Variants in TBC1D21 observed in about 807,000 individuals in gnomAD.
TBC1D21 encodes male germ cell Rab GTPase-activating protein.
In TBC1D21, 38 loss-of-function variants were observed where a neutral mutation model predicts 46.0. The ratio of observed to expected loss-of-function variants is 0.83; its 90% CI spans 0.64 to 1.08. The LOEUF is 1.08. Among genes scored for constraint, TBC1D21 ranks in the 50% least tolerant of loss-of-function variants. The pLI is 0.00. For synonymous variants in TBC1D21, 151 were observed against 157.2 expected, an observed-to-expected ratio of 0.96 and a Z score of 0.29; for missense variants, 415 against 417.9, an observed-to-expected ratio of 0.99 and a Z score of 0.06.
chr15:73,885,806 A>G (rs1416308598), intron 6 of TBC1D21, among the ~76,000 whole-genome samples: 1 of 106,690 alleles, frequency 9.4e-6, no homozygotes, highest in African/African-American at 3.2e-5. Flanking sequence ...AATCTCTACT[A>G]CACACACATA....
chr15:73,908,790 T>C, the TBC1D21 span, among the ~76,000 whole-genome samples: 620 of 152,298 alleles, frequency 4.1e-3, 9 homozygotes, highest in African/African-American at 0.014. Context: ...CCCAGAAAGT[T>C]CCTCAGGCTC....
At chr15:73,885,501 C>T (rs747673550) in intron 6 of TBC1D21, among the ~76,000 whole-genome samples, 3 of 152,148 alleles carry the variant, frequency 2.0e-5, no homozygotes, top group Non-Finnish European at 4.4e-5. Flanking sequence ...GGGCTGTTCC[C>T]TTCACATAAC....
chr15:73,891,224 A>G (rs754609982), downstream of TBC1D21, among the ~76,000 whole-genome samples: 1 of 152,228 alleles, frequency 6.6e-6, no homozygotes, highest in Non-Finnish European at 1.5e-5. Flanking sequence ...TCATTTATAC[A>G]GCCCAGTGTT....
At chr15:73,885,144 C>T (rs751474195) in intron 6 of TBC1D21, 41 bp downstream of exon 6, 1 of 1,546,016 alleles carries the variant, frequency 6.5e-7, no homozygotes, top group Non-Finnish European at 8.9e-7. Context: ...CCTCCCCAAC[C>T]CCCCACTACT....
downstream of TBC1D21, among the ~76,000 whole-genome samples, chr15:73,890,998 C>G (rs978787708): frequency 6.6e-6 from 1 of 152,108 alleles, no homozygotes; most frequent in African/African-American, 2.4e-5. Context: ...AATCTTGACA[C>G]CAAATTGATC....
chr15:73,897,866 C>T, the TBC1D21 span, among the ~76,000 whole-genome samples: 4 of 152,222 alleles, frequency 2.6e-5, no homozygotes, highest in Admixed American at 1.3e-4. Flanking sequence ...CGGGTTTCCC[C>T]GGAAGCATTT....
rs200427604 is a variant in TBC1D21 at position 73,886,498 on chromosome 15, T to C, written c.677-14T>C. On this transcript the variant is annotated splice_polypyrimidine_tract_variant and intron_variant, in intron 7 of 10. Coordinates refer to ENST00000300504, the MANE Select transcript of TBC1D21 (RefSeq NM_153356.3). ...GTTTTCCCCTGACCACAGCCTCACC[T>C]TCTCTCCCCACAGAAGGGAAGGGTG... The C allele has an allele frequency of 5.0e-6, 8 of 1,612,740 alleles. No individual in the cohort carries two copies. The Admixed American group carries it at 1.2e-4, about 24-fold the overall frequency.
chr15:73,889,012 C>T (rs149422430), intron 10 of TBC1D21, 57 bp from the exon 11 acceptor site: 67 of 1,602,894 alleles, frequency 4.2e-5, no homozygotes, highest in South Asian at 5.6e-5. Context: ...TTAGAAGAAC[C>T]GAAGAATGAA....
the TBC1D21 span, among the ~76,000 whole-genome samples, chr15:73,902,686 G>A: frequency 2.0e-5 from 3 of 152,128 alleles, no homozygotes; most frequent in South Asian, 4.1e-4. Flanking sequence ...TTTCCCATCC[G>A]CTCCATGCTT....
the TBC1D21 span, among the ~76,000 whole-genome samples, chr15:73,898,314 T>A: frequency 6.6e-6 from 1 of 152,214 alleles, no homozygotes; most frequent in Non-Finnish European, 1.5e-5. Context: ...CGGTCAGGGC[T>A]GTGTGGGGCT....
the TBC1D21 span, among the ~76,000 whole-genome samples, chr15:73,898,902 T>TATATATAC: frequency 2.2e-3 from 244 of 112,780 alleles, 2 homozygotes; most frequent in Admixed American, 0.012. Flanking sequence ...TATATATATA[T>TATATATAC]ACACACACAC....
chr15:73,888,673 T>A (rs2068303094), intron 10 of TBC1D21, among the ~76,000 whole-genome samples, 160 bp downstream of exon 10: 1 of 149,236 alleles, frequency 6.7e-6, no homozygotes, highest in Non-Finnish European at 1.5e-5. Flanking sequence ...CTCCTCCTCT[T>A]CCTCCTCCTC....
At chr15:73,894,523 C>T in the TBC1D21 span, among the ~76,000 whole-genome samples, 1 of 152,198 alleles carries the variant, frequency 6.6e-6, no homozygotes, top group East Asian at 1.9e-4. Context: ...ATTCCTTCTC[C>T]AGGATGGGGA....
At chr15:73,899,247 G>A in the TBC1D21 span, among the ~76,000 whole-genome samples, 1 of 151,994 alleles carries the variant, frequency 6.6e-6, no homozygotes, top group African/African-American at 2.4e-5. Context: ...CTGGGAAGCG[G>A]GTGAGCCTTG....
chr15:73,887,532 AG>A, intron 8 of TBC1D21, 87 bp from the exon 9 acceptor site: 2 of 1,103,584 alleles, frequency 1.8e-6, no homozygotes, highest in Non-Finnish European at 2.8e-6. Flanking sequence ...GGCTGACTCC[AG>A]GCACGTGGTT....
intron 3 of TBC1D21, among the ~76,000 whole-genome samples, chr15:73,883,418 C>T (rs2068188384): frequency 6.6e-6 from 1 of 152,242 alleles, no homozygotes; most frequent in South Asian, 2.1e-4. Flanking sequence ...CTTCCAAAGG[C>T]TCTAGGGTAG....
chr15:73,874,881 G>C (rs1313735071), intron 1 of TBC1D21, among the ~76,000 whole-genome samples: 1 of 152,180 alleles, frequency 6.6e-6, no homozygotes, highest in Non-Finnish European at 1.5e-5. Flanking sequence ...ACCTGGGTTG[G>C]TAATAATTGC....
downstream of TBC1D21, among the ~76,000 whole-genome samples, chr15:73,892,140 T>G (rs145583518): frequency 9.7e-3 from 1,484 of 152,304 alleles, 27 homozygotes; most frequent in African/African-American, 0.034. Flanking sequence ...TCAGCCAGCC[T>G]CAGGCAGACT....
At chr15:73,892,870 A>G (rs1038905193), downstream of TBC1D21, among the ~76,000 whole-genome samples, 2 of 152,244 alleles carry the variant, frequency 1.3e-5, no homozygotes, top group Non-Finnish European at 2.9e-5. Context: ...CAATAATGTC[A>G]GTGATGATGG....
Sources: allele counts gnomAD v4.1 joint callset (sites outside exome capture counted in the v4.1 genomes callset), GRCh38; gene constraint gnomAD v4.1.1; transcripts MANE v1.5; gene names NCBI Gene and HGNC (gene_info 2026-07-23, HGNC 2026-07-21).